Variants in CP observed in about 807,000 individuals in gnomAD.
The protein encoded by CP is ceruloplasmin, also known as caeruloplasmin.
CP carries 64 observed loss-of-function variants against 122.4 expected under a neutral mutation model. That is an observed-to-expected ratio of 0.52 (90% CI 0.43 to 0.64). The LOEUF (loss-of-function observed/expected upper bound fraction) is 0.64, where lower values mean the gene tolerates loss of function less well. CP is among the 30% of genes least tolerant of loss of function. The pLI is 0.00. For synonymous variants in CP, 440 were observed against 436.4 expected (o/e 1.01, Z -0.10); for missense variants, 1,167 against 1,284.4 (o/e 0.91, Z 1.40).
downstream of CP, chr3:149,172,401 G>A (rs570376990): frequency 5.5e-6 from 3 of 549,780 alleles, no homozygotes; most frequent in South Asian, 6.4e-5. Context: ...ACCGTGTAGT[G>A]GTAACTATTC....
At chr3:149,167,636 G>C (rs777759556), downstream of CP, among the ~76,000 whole-genome samples, 6 of 152,016 alleles carry the variant, frequency 3.9e-5, no homozygotes, top group Non-Finnish European at 5.9e-5. Context: ...GGATATGTCT[G>C]TTACTTCTTG....
intron 6 of CP, among the ~76,000 whole-genome samples, chr3:149,204,804 T>C (rs1460148360): frequency 6.6e-6 from 1 of 151,886 alleles, no homozygotes; most frequent in African/African-American, 2.4e-5. Context: ...TTGTAAAAAA[T>C]CGATAGTAGA....
chr3:149,197,425 A>G (rs1726964396), intron 9 of CP, among the ~76,000 whole-genome samples: 1 of 152,196 alleles, frequency 6.6e-6, no homozygotes, highest in Admixed American at 6.5e-5. Context: ...AACCATCATC[A>G]GTAGCTGATA....
chr3:149,195,510 G>A (rs930994478), intron 9 of CP, among the ~76,000 whole-genome samples: 2 of 152,182 alleles, frequency 1.3e-5, no homozygotes, highest in Non-Finnish European at 2.9e-5. Context: ...GCAAAGAAAT[G>A]AGGAATGAGC....
rs893413009 is a variant in CP at position 149,182,011 on chromosome 3, A to G, written c.2548T>C (p.Leu850=). The change falls in exon 14 of 19, where the codon TTA becomes CTA. Residue 850 remains leucine, a synonymous_variant. Transcript: ENST00000264613. ...QTESSTVTPT[L]PGETLTYVWK... ...CCCCCGCCCCCGTGAGTACCTGGTA[A>G]TGTTGGAGTAACTGTAGAACTCTCT... is the stretch of plus-strand genomic sequence containing the variant. The G allele has an allele frequency of 1.0e-6, 1 of 980,266 alleles. No individual in the cohort carries two copies. Among genetic ancestry groups the G allele is most frequent in the Non-Finnish European group, 1.4e-6 (1 of 693,128 alleles). The allele number at this position is 980,266 out of a possible 1,614,324, so 60.7% of individuals were successfully genotyped here.
At chr3:149,172,412 AC>A, downstream of CP, 1 of 522,000 alleles carries the variant, frequency 1.9e-6, no homozygotes, top group Admixed American at 3.2e-5. Context: ...GTAACTATTC[AC>A]TTCTTAATTT....
In CP at chr3:149,177,882, G is replaced by C. The variant is rs750577406; in HGVS notation, c.2976C>G (p.Asp992Glu). 6.2e-7 allele frequency: 1 copy of C among 1,613,766 alleles called. No individual in the cohort carries two copies. Among genetic ancestry groups the C allele is most frequent in the South Asian group, 1.1e-5 (1 of 91,070 alleles). ...WYLMGMGNEI[D>E]LHTVHFHGHS... ...GGCCGTGAAAATGTACAGTGTGTAA[G>C]TCTATTTCATTGCCCATTCCCATCA... The change falls in exon 17 of 19, where the codon GAC becomes GAG. Residue 992 changes from aspartate (D) to glutamate (E), a missense_variant. Transcript: ENST00000264613.
chr3:149,208,278 A>G (rs1347199061), intron 4 of CP, among the ~76,000 whole-genome samples: 2 of 152,112 alleles, frequency 1.3e-5, no homozygotes, highest in East Asian at 1.9e-4. Flanking sequence ...AAATTTCCCA[A>G]GTGGAAATTA....
chr3:149,210,011 G>T (rs1224923297), intron 3 of CP, among the ~76,000 whole-genome samples, 156 bp downstream of exon 3: 1 of 152,016 alleles, frequency 6.6e-6, no homozygotes, highest in African/African-American at 2.4e-5. Context: ...TCTTCTCCTA[G>T]TCCTGCCTGG....
At chr3:149,221,019 A>G (rs1728771086) in intron 1 of CP, among the ~76,000 whole-genome samples, 1 of 152,096 alleles carries the variant, frequency 6.6e-6, no homozygotes, top group African/African-American at 2.4e-5. Context: ...CTTTTTGAGG[A>G]CCATCCTAAT....
At chr3:149,167,700 G>A (rs557170574), downstream of CP, among the ~76,000 whole-genome samples, 7 of 152,126 alleles carry the variant, frequency 4.6e-5, no homozygotes, top group Admixed American at 3.9e-4. Context: ...TTCAAGTTAC[G>A]AACCTGACTT....
At chr3:149,176,895 G>A (rs1268711373) in intron 17 of CP, among the ~76,000 whole-genome samples, 1 of 152,130 alleles carries the variant, frequency 6.6e-6, no homozygotes, top group Non-Finnish European at 1.5e-5. Flanking sequence ...CAGTAGTTGG[G>A]TGACAATAGT....
chr3:149,218,783 G>A (rs993400563), intron 1 of CP, among the ~76,000 whole-genome samples: 22 of 152,090 alleles, frequency 1.4e-4, no homozygotes, highest in African/African-American at 5.3e-4. Flanking sequence ...CCAAGCACTA[G>A]TACTTGCATA....
chr3:149,167,112 G>A lies in CP; in HGVS notation c.587-1062C>T, dbSNP rs760447134. On this transcript the variant is annotated intron_variant, in intron 4 of 5. Transcript: ENST00000479771. The stretch of plus-strand genomic sequence containing the variant: ...GCCACTTTCAGAAGACACTATTGCC[G>A]GCCTCAGTGTCCATGTTCTGTGTCG... 32 of 1,613,634 alleles carry A rather than the reference G, an allele frequency of 2.0e-5. No individual in the cohort carries two copies. Among genetic ancestry groups the A allele is most frequent in the Middle Eastern group, 1.6e-4 (1 of 6,080 alleles).
At chr3:149,169,568 G>A (rs544510617), downstream of CP, among the ~76,000 whole-genome samples, 1 of 152,260 alleles carries the variant, frequency 6.6e-6, no homozygotes, top group African/African-American at 2.4e-5. Flanking sequence ...TGCATTTTAG[G>A]ATATTAAACA....
At position 149,186,584 on chromosome 3, in the gene CP, C is replaced by T. The variant is rs755014066; in HGVS notation, c.2013G>A (p.Arg671=). 1 of 1,614,184 alleles carries T rather than the reference C, an allele frequency of 6.2e-7. No homozygotes were observed. Among genetic ancestry groups the T allele is most frequent in the South Asian group, 1.1e-5 (1 of 91,086 alleles). ...GAGGGAAGAGGTTTGCTGTGTCTCT[C>T]CGTTCTCCTCTCCACAGATATGTGT... ...SGNTYLWRGE[R]RDTANLFPQT... Residue 671 remains arginine (R), a synonymous_variant, in exon 11 of 19, where the codon CGG becomes CGA. Transcript: ENST00000264613.
At chr3:149,162,646 C>G in exon 6 of CP, 1 of 1,586,872 alleles carries the variant, frequency 6.3e-7, no homozygotes, top group Non-Finnish European at 8.7e-7. Flanking sequence ...TTTATCAGTG[C>G]TATATTTATC....
At chr3:149,174,208 G>A (rs1725251251) in intron 18 of CP, among the ~76,000 whole-genome samples, 1 of 152,170 alleles carries the variant, frequency 6.6e-6, no homozygotes, top group Non-Finnish European at 1.5e-5. Flanking sequence ...GAGTAAAGGA[G>A]ACTTAAAAGA....
downstream of CP, among the ~76,000 whole-genome samples, chr3:149,170,113 AG>A (rs1724826887): frequency 2.6e-5 from 4 of 152,224 alleles, 1 homozygote; most frequent in South Asian, 8.3e-4. Context: ...GGATTCTAGA[AG>A]GAATTAAAGA....
Sources: gnomAD v4.1 joint callset for allele counts (sites outside exome capture counted in the v4.1 genomes callset) on GRCh38, gnomAD v4.1.1 for gene constraint, MANE v1.5 for transcripts, NCBI Gene and HGNC (gene_info 2026-07-23, HGNC 2026-07-21) for gene names.